Variants in MTNR1B observed in about 807,000 individuals in gnomAD.
The protein encoded by MTNR1B is melatonin receptor type 1B.
A neutral mutation model predicts 7.0 loss-of-function variants in MTNR1B; 7 were observed. The ratio of observed to expected loss-of-function variants is 1.00; its 90% confidence interval spans 0.57 to 1.88. The LOEUF is 1.88. Among genes scored for constraint, MTNR1B ranks in the 40% most tolerant of loss-of-function variants. The pLI is 0.00. For synonymous variants in MTNR1B, 226 were observed against 208.2 expected (o/e 1.09, Z -0.74); for missense variants, 478 against 486.5 (o/e 0.98, Z 0.16).
intron 1 of MTNR1B, among the ~76,000 whole-genome samples, chr11:92,970,704 G>A (rs977364857): frequency 1.3e-5 from 2 of 152,120 alleles, no homozygotes; most frequent in African/African-American, 2.4e-5. Flanking sequence ...CCAGAGTGGG[G>A]GGCAGTATCT....
chr11:92,970,538 T>TTG (rs1318009284), intron 1 of MTNR1B, among the ~76,000 whole-genome samples: 3 of 152,206 alleles, frequency 2.0e-5, no homozygotes, highest in African/African-American at 7.2e-5. Flanking sequence ...CTTTGAAATA[T>TTG]TGTGGTCTTT....
intron 1 of MTNR1B, among the ~76,000 whole-genome samples, chr11:92,975,134 T>C (rs1445880734): frequency 6.6e-6 from 1 of 152,226 alleles, no homozygotes; most frequent in East Asian, 1.9e-4. Flanking sequence ...TGTAATATGC[T>C]GGCCATATAA....
chr11:92,982,529 A>G lies in MTNR1B; in HGVS notation c.*217A>G. On this transcript the variant is annotated 3_prime_UTR_variant, in exon 2 of 2. Coordinates refer to ENST00000257068, the MANE Select transcript of MTNR1B (RefSeq NM_005959.5). Reference sequence around the variant, plus strand: ...TCACAGGCCACAGGACCTGGAAAACACTCTTGGTGGTGTCTTGGGGATTTG... The same window carrying G: ...TCACAGGCCACAGGACCTGGAAAACGCTCTTGGTGGTGTCTTGGGGATTTG... 1.1e-5 allele frequency: 6 copies of G among 560,878 alleles called. No homozygotes were observed. The highest frequency in any genetic ancestry group is 6.1e-5 in the East Asian group (2 of 32,766). The allele number at this position is 560,878 out of a possible 1,614,324, so 34.7% of individuals were successfully genotyped here. A position where few individuals can be genotyped will look rare whatever the true frequency, so the allele number is the denominator to read the frequency against.
Position 92,981,821 on chromosome 11 carries a change from T to G in MTNR1B, c.598T>G (p.Tyr200Asp), listed in dbSNP as rs780716063. Residue 200 changes from tyrosine (Y) to aspartate (D), a missense_variant, in exon 2 of 2, where the codon TAC (tyrosine) becomes GAC (aspartate). By Grantham distance (160) the Tyr-to-Asp change is radical. Transcript: ENST00000257068. ...CTTCATCCAGACCGCCAGCACCCAG[T>G]ACACGGCGGCAGTGGTGGTCATCCA... ...CTFIQTASTQ[Y>D]TAAVVVIHFL... 4.3e-6 allele frequency: 7 copies of G among 1,614,206 alleles called. No homozygotes were observed. The Admixed American group carries it at 1.2e-4, about 27-fold the overall frequency.
Position 92,972,562 on chromosome 11 carries a change from T to C in MTNR1B, c.223+2614T>C, listed in dbSNP as rs544070098. On this transcript the variant is annotated intron_variant, in intron 1 of 1. Coordinates refer to ENST00000257068, the MANE Select transcript of MTNR1B (RefSeq NM_005959.5). ...GGAGGAGTGGAGGCAAGGTGGGAGG[T>C]AGGGTCAGGGCACCGACCCAACTTA... 2.0e-4 allele frequency: 90 copies of C among 455,450 alleles called. 1 individual carries two copies. Among genetic ancestry groups the C allele is most frequent in the South Asian group, 1.4e-3 (89 of 64,504 alleles). The allele number at this position is 455,450 out of a possible 1,614,324, so 28.2% of individuals were successfully genotyped here.
At chr11:92,980,360 C>T (rs1230342695) in intron 1 of MTNR1B, among the ~76,000 whole-genome samples, 3 of 152,206 alleles carry the variant, frequency 2.0e-5, no homozygotes, top group Admixed American at 2.0e-4. Flanking sequence ...AAGTACAACA[C>T]TTGGTGAATG....
At chr11:92,978,476 A>T (rs1858045643) in intron 1 of MTNR1B, among the ~76,000 whole-genome samples, 1 of 152,200 alleles carries the variant, frequency 6.6e-6, no homozygotes. Context: ...ATAAATATTC[A>T]TTATGCACAC....
At chr11:92,970,530 T>G (rs1591901282) in intron 1 of MTNR1B, among the ~76,000 whole-genome samples, 1 of 152,166 alleles carries the variant, frequency 6.6e-6, no homozygotes, top group East Asian at 1.9e-4. Context: ...CTAAATTGCT[T>G]TGAAATATTG....
At position 92,982,363 on chromosome 11, in the gene MTNR1B, G is replaced by A. The variant is rs1858126999; in HGVS notation, c.*51G>A. 1 of 1,568,904 alleles carries A rather than the reference G, an allele frequency of 6.4e-7. No homozygotes were observed. The highest frequency in any genetic ancestry group is 8.6e-7 in the Non-Finnish European group (1 of 1,160,198). On this transcript the variant is annotated 3_prime_UTR_variant, in exon 2 of 2. Coordinates refer to ENST00000257068, the MANE Select transcript of MTNR1B (RefSeq NM_005959.5). ...ATGACAAACTCATGAAATGGTGGGA[G>A]AGAGTCTGCTGCAAGGGTGAGACCA...
intron 1 of MTNR1B, among the ~76,000 whole-genome samples, chr11:92,975,201 G>C (rs1857993723): frequency 6.6e-6 from 1 of 152,196 alleles, no homozygotes; most frequent in African/African-American, 2.4e-5. Context: ...CACTATCAGA[G>C]AGGAAGTCAT....
At chr11:92,974,136 C>T (rs1179372567) in intron 1 of MTNR1B, among the ~76,000 whole-genome samples, 2 of 152,172 alleles carry the variant, frequency 1.3e-5, no homozygotes, top group African/African-American at 2.4e-5. Context: ...GGGAGTTTGC[C>T]CCTGATATGC....
chr11:92,973,531 A>G, intron 1 of MTNR1B, among the ~76,000 whole-genome samples: 1 of 151,950 alleles, frequency 6.6e-6, no homozygotes, highest in African/African-American at 2.4e-5. Flanking sequence ...CTACTTCCCA[A>G]AGGGTCTGCA....
downstream of MTNR1B, among the ~76,000 whole-genome samples, chr11:92,983,351 G>T (rs1391569301): frequency 6.6e-6 from 1 of 152,048 alleles, no homozygotes; most frequent in Non-Finnish European, 1.5e-5. Context: ...GCAAAACCCT[G>T]TCTCTACAAA....
intron 1 of MTNR1B, among the ~76,000 whole-genome samples, chr11:92,979,548 T>A (rs1199029011): frequency 6.6e-6 from 1 of 152,170 alleles, no homozygotes; most frequent in Admixed American, 6.5e-5. Context: ...GAGTCATGAT[T>A]CTCCTTTGCC....
chr11:92,974,163 C>T (rs912118936), intron 1 of MTNR1B, among the ~76,000 whole-genome samples: 23 of 152,190 alleles, frequency 1.5e-4, no homozygotes, highest in African/African-American at 5.3e-4. Context: ...TGTGTCCCTA[C>T]CCATGTCTCA....
At chr11:92,980,489 G>A (rs1174238701) in intron 1 of MTNR1B, among the ~76,000 whole-genome samples, 1 of 152,196 alleles carries the variant, frequency 6.6e-6, no homozygotes, top group Admixed American at 6.5e-5. Context: ...AACACTTGAG[G>A]AGCAGAGATT....
chr11:92,980,196 G>A (rs889043770), intron 1 of MTNR1B, among the ~76,000 whole-genome samples: 7 of 152,206 alleles, frequency 4.6e-5, no homozygotes, highest in Middle Eastern at 3.4e-3. Flanking sequence ...CATCCCAGCC[G>A]CCCTCTGCAT....
intron 1 of MTNR1B, among the ~76,000 whole-genome samples, chr11:92,978,822 C>T (rs1858051665): frequency 6.6e-6 from 1 of 152,140 alleles, no homozygotes; most frequent in African/African-American, 2.4e-5. Flanking sequence ...GCCTCTGGGG[C>T]ATTATTAGGG....
chr11:92,981,302 G>C (rs1858097961), intron 1 of MTNR1B, 145 bp from the exon 2 acceptor site: 3 of 1,170,564 alleles, frequency 2.6e-6, no homozygotes, highest in African/African-American at 3.1e-5. Flanking sequence ...TGGCAGAAAT[G>C]CAATCTGAGT....
Sources: allele counts gnomAD v4.1 joint callset (sites outside exome capture counted in the v4.1 genomes callset), GRCh38; gene constraint gnomAD v4.1.1; transcripts MANE v1.5; gene names NCBI Gene and HGNC (gene_info 2026-07-23, HGNC 2026-07-21).